The following GGT7 variants were observed in gnomAD, a reference collection of about 807,000 sequenced individuals.
GGT7 encodes the protein gamma-glutamyltransferase 7, also known as glutathione hydrolase 7.
A neutral mutation model predicts 69.2 loss-of-function variants in GGT7; 30 were observed. The observed-to-expected ratio is 0.43, with a 90% CI of 0.32 to 0.59. GGT7 has a LOEUF of 0.59. Among genes scored for constraint, GGT7 ranks in the 20% least tolerant of loss-of-function variants. GGT7 has a pLI of 0.05. For synonymous variants in GGT7, 388 were observed against 391.8 expected (o/e 0.99, Z 0.12); for missense variants, 733 against 901.1 (o/e 0.81, Z 2.39).
intron 12 of GGT7, among the ~76,000 whole-genome samples, chr20:34,851,874 G>A (rs2146889097): frequency 6.6e-6 from 1 of 152,292 alleles, no homozygotes; most frequent in African/African-American, 2.4e-5. Context: ...CATCAAATAG[G>A]AGCCAAAACC....
At chr20:34,857,354 T>C (rs1385709439) in intron 7 of GGT7, among the ~76,000 whole-genome samples, 1 of 152,202 alleles carries the variant, frequency 6.6e-6, no homozygotes, top group Non-Finnish European at 1.5e-5. Context: ...CAAAACTGAA[T>C]GCTGCATCTC....
chr20:34,863,460 G>A lies in GGT7; in HGVS notation c.258C>T (p.Arg86=), dbSNP rs148446671. 3.7e-6 allele frequency: 6 copies of A among 1,611,218 alleles called. No individual in the cohort carries two copies. In the Middle Eastern group the frequency reaches 5.0e-4, roughly 133 times the overall value. The change falls in exon 2 of 15, where the codon CGC becomes CGT. Residue 86 remains arginine, a synonymous_variant. Coordinates refer to ENST00000336431, the MANE Select transcript of GGT7 (RefSeq NM_178026.3). The surrounding 1 kb of genome is among the most constrained non-coding windows in gnomAD (Gnocchi z 4.4). ...CGGAGAACGGGTCTTTGCGCGTCTC[G>A]CGTAGCGGCGACCCGTCTTGGCTGC... The part of the protein sequence containing the change: ...EMGSQDGSPL[R]ETRKDPFSAA...
At chr20:34,857,262 C>G (rs2079508766) in intron 7 of GGT7, among the ~76,000 whole-genome samples, 1 of 152,184 alleles carries the variant, frequency 6.6e-6, no homozygotes, top group African/African-American at 2.4e-5. Context: ...GAACTCATGC[C>G]TTCGTGTCTT....
intron 14 of GGT7, among the ~76,000 whole-genome samples, chr20:34,846,806 C>A: frequency 6.6e-6 from 1 of 152,166 alleles, no homozygotes; most frequent in East Asian, 1.9e-4. Flanking sequence ...TTCCTCCCCT[C>A]ATTTCCTTCT....
intron 14 of GGT7, among the ~76,000 whole-genome samples, chr20:34,849,310 G>A (rs1270696774): frequency 6.7e-6 from 1 of 148,996 alleles, no homozygotes; most frequent in East Asian, 2.0e-4. Flanking sequence ...CCACAGGCAC[G>A]TGCCATGCCT....
At chr20:34,858,780 C>T (rs531633359) in intron 7 of GGT7, among the ~76,000 whole-genome samples, 8 of 152,068 alleles carry the variant, frequency 5.3e-5, no homozygotes, top group African/African-American at 9.7e-5. Context: ...AAGCTGAGGC[C>T]GATACTGGGT....
chr20:34,849,749 G>C (rs2079359015), intron 14 of GGT7, among the ~76,000 whole-genome samples: 1 of 152,236 alleles, frequency 6.6e-6, no homozygotes, highest in African/African-American at 2.4e-5. Context: ...CTGAGGCTCA[G>C]AGTTGAGACA....
At chr20:34,847,687 C>G (rs1294241519) in intron 14 of GGT7, among the ~76,000 whole-genome samples, 1 of 152,210 alleles carries the variant, frequency 6.6e-6, no homozygotes, top group African/African-American at 2.4e-5. Flanking sequence ...TAACTAAAAA[C>G]TACACATATC....
chr20:34,862,021 A>G (rs957173355), intron 3 of GGT7, among the ~76,000 whole-genome samples: 7 of 152,296 alleles, frequency 4.6e-5, no homozygotes, highest in South Asian at 2.1e-4. Context: ...GTCTTACAGG[A>G]GCCAAGATAG....
intron 8 of GGT7, 37 bp from the exon 9 acceptor site, chr20:34,854,960 G>A: frequency 4.4e-6 from 7 of 1,605,790 alleles, no homozygotes; most frequent in Non-Finnish European, 6.0e-6. Flanking sequence ...CAGGGTAGGG[G>A]TCAAGGCACC....
Position 34,845,491 on chromosome 20 carries a change from C to T in GGT7, c.1826G>A (p.Ser609Asn), listed in dbSNP as rs541657275. ...CTCAATCTCTTCCTCTGTGAACTCACCTGAAAACCATCCCCGACATATACA... is the reference window on the plus strand; with the variant it reads ...CTCAATCTCTTCCTCTGTGAACTCATCTGAAAACCATCCCCGACATATACA... ...DLQSNLLQVD[S>N]EFTEEEIEFL... The change falls in exon 15 of 15, where the codon AGT becomes AAT. Residue 609 changes from serine (S) to asparagine (N), a missense_variant and splice_region_variant. By Grantham distance (46) the Ser-to-Asn change is conservative. Transcript: ENST00000336431. The T allele has an allele frequency of 4.3e-6, 7 of 1,613,438 alleles. No homozygotes were observed. The highest frequency in any genetic ancestry group is 5.9e-6 in the Non-Finnish European group (7 of 1,179,618).
Position 34,863,367 on chromosome 20 carries a change from G to A in GGT7, c.351C>T (p.Phe117=). Residue 117 remains phenylalanine (F), a synonymous_variant, in exon 2 of 15, where the codon TTC becomes TTT. Transcript: ENST00000336431. This position sits in a 1 kb window ranked among gnomAD's most constrained non-coding sequence, Gnocchi z 4.4. ...CCAGCGCCACGGTGACACCGGTAGC[G>A]AAGGTGAGACAGGCCGTGACGATGA... is the stretch of plus-strand genomic sequence containing the variant. ...LTVIVTACLT[F]ATGVTVALVM... 3 of 1,614,002 alleles carry A rather than the reference G, an allele frequency of 1.9e-6. No homozygotes were observed. Among genetic ancestry groups the A allele is most frequent in the Non-Finnish European group, 2.5e-6 (3 of 1,180,002 alleles).
intron 13 of GGT7, 54 bp downstream of exon 13, chr20:34,851,177 T>A: frequency 6.2e-7 from 1 of 1,602,812 alleles, no homozygotes; most frequent in South Asian, 1.1e-5. Context: ...ATCTGCAGTC[T>A]AGGCCACAGC....
chr20:34,864,706 G>A (rs1241058993), intron 1 of GGT7, among the ~76,000 whole-genome samples: 1 of 145,640 alleles, frequency 6.9e-6, no homozygotes, highest in Non-Finnish European at 1.5e-5. Flanking sequence ...GGGTGACAGA[G>A]TGAGACTCTG....
chr20:34,863,250 C>G lies in GGT7; in HGVS notation c.405+63G>C, dbSNP rs1029101864. 1.6e-6 allele frequency: 2 copies of G among 1,226,632 alleles called. No homozygotes were observed. The highest frequency in any genetic ancestry group is 2.5e-5 in the East Asian group (1 of 39,474). The allele number at this position is 1,226,632 out of a possible 1,614,324, so 76.0% of individuals were successfully genotyped here. The stretch of plus-strand genomic sequence containing the variant: ...CAGCCATTCCCCAGTTTCCACAGTT[C>G]CTCAAACATTACCCCACTCCCCACT... On this transcript the variant is annotated intron_variant, in intron 2 of 14. Coordinates refer to ENST00000336431, the MANE Select transcript of GGT7 (RefSeq NM_178026.3). The surrounding 1 kb of genome is among the most constrained non-coding windows in gnomAD (Gnocchi z 4.4).
chr20:34,849,322 G>A (rs2079351049), intron 14 of GGT7, among the ~76,000 whole-genome samples: 1 of 142,782 alleles, frequency 7.0e-6, no homozygotes, highest in Admixed American at 7.2e-5. Flanking sequence ...GCCATGCCTG[G>A]CTAATTTAAA....
Position 34,852,375 on chromosome 20 carries a change from C to G in GGT7, c.1469+14G>C. ...GGATCCCTTGTTCCAGGTTCTGAGT[C>G]TGAGCTGGCATACCTAACCATGGCC... is the stretch of plus-strand genomic sequence containing the variant. On this transcript the variant is annotated intron_variant, in intron 11 of 14. Coordinates refer to ENST00000336431, the MANE Select transcript of GGT7 (RefSeq NM_178026.3). 1 of 1,613,906 alleles carries G rather than the reference C, an allele frequency of 6.2e-7. No individual in the cohort carries two copies.
intron 3 of GGT7, 61 bp from the exon 4 acceptor site, chr20:34,861,623 C>A: frequency 9.9e-7 from 1 of 1,013,168 alleles, no homozygotes; most frequent in Non-Finnish European, 1.4e-6. Context: ...TACAATGAAT[C>A]TGCTGCCCCT....
chr20:34,867,171 C>T (rs559592963), intron 1 of GGT7, among the ~76,000 whole-genome samples: 39 of 150,142 alleles, frequency 2.6e-4, no homozygotes, highest in African/African-American at 8.6e-4. Context: ...ACAATCATCC[C>T]GCCTCAGCCT....
Sources: allele counts gnomAD v4.1 joint callset (sites outside exome capture counted in the v4.1 genomes callset), GRCh38; gene constraint gnomAD v4.1.1; non-coding constraint Gnocchi (gnomAD v3.1); transcripts MANE v1.5; gene names NCBI Gene and HGNC (gene_info 2026-07-23, HGNC 2026-07-21).